MRPS33: variants seen among roughly 807,000 people sequenced by gnomAD.
The protein encoded by MRPS33 is mitochondrial ribosomal protein S33, also known as small ribosomal subunit protein mS33.
Under a neutral mutation model 11.2 loss-of-function variants are expected in MRPS33, and 11 were observed. The ratio of observed to expected loss-of-function variants is 0.99; its 90% CI spans 0.62 to 1.63. MRPS33 has a LOEUF of 1.63. Ranked by LOEUF, MRPS33 falls within the 40% of genes most tolerant of loss-of-function variation. The pLI, the probability that MRPS33 is intolerant of heterozygous loss-of-function variation, is 0.00. For synonymous variants in MRPS33, 46 were observed against 44.0 expected, an observed-to-expected ratio of 1.05 and a Z score of -0.18; for missense variants, 109 against 127.8, an observed-to-expected ratio of 0.85 and a Z score of 0.71.
At chr7:141,006,969 C>T (rs1191580680) in intron 2 of MRPS33, among the ~76,000 whole-genome samples, 1 of 152,086 alleles carries the variant, frequency 6.6e-6, no homozygotes, top group East Asian at 1.9e-4. Flanking sequence ...CTGGAGGAAG[C>T]TCAGCCTGGC....
intron 1 of MRPS33, among the ~76,000 whole-genome samples, chr7:141,014,155 G>C (rs1250901903): frequency 6.6e-6 from 1 of 152,102 alleles, no homozygotes; most frequent in Non-Finnish European, 1.5e-5. Flanking sequence ...TCTCTGCCAG[G>C]TTCTCTCATC....
intron 2 of MRPS33, 92 bp from the exon 3 acceptor site, chr7:141,006,627 G>A: frequency 9.5e-7 from 1 of 1,057,580 alleles, no homozygotes; most frequent in South Asian, 1.4e-5. Flanking sequence ...AGGTCATTCT[G>A]GTTATCGATC....
At chr7:141,012,482 G>A (rs547989213) in intron 1 of MRPS33, among the ~76,000 whole-genome samples, 42 of 152,300 alleles carry the variant, frequency 2.8e-4, no homozygotes, top group Middle Eastern at 6.8e-3. Context: ...GCAGTTTAAT[G>A]TATAAACAAA....
At chr7:141,008,066 C>T (rs1316459445) in intron 2 of MRPS33, among the ~76,000 whole-genome samples, 1 of 152,270 alleles carries the variant, frequency 6.6e-6, no homozygotes, top group East Asian at 1.9e-4. Context: ...TGGTGCTTCC[C>T]TCCCTCTTTT....
In MRPS33 at chr7:141,012,147, C is replaced by T. The variant is rs1032209931; in HGVS notation, c.-27-1487G>A. 8.8e-5 allele frequency among the ~76,000 whole-genome samples: 10 copies of T among 114,190 alleles called. No homozygotes were observed. The Admixed American group carries it at 1.3e-3, about 15-fold the overall frequency. 74.9% of individuals were successfully genotyped at this position (114,190 alleles called of 152,430 possible). A position where few individuals can be genotyped will look rare whatever the true frequency, so the allele number is the denominator to read the frequency against. Reference sequence around the variant, plus strand: ...TGACTGCACTACTGTACTCTATAGCCTGAGTGACAGAGCAAGATTGTGTGT... The same window carrying T: ...TGACTGCACTACTGTACTCTATAGCTTGAGTGACAGAGCAAGATTGTGTGT... On this transcript the variant is annotated intron_variant, in intron 1 of 2. Coordinates refer to ENST00000324787, the MANE Select transcript of MRPS33 (RefSeq NM_053035.3).
At chr7:141,014,841 T>A (rs183418599) in intron 1 of MRPS33, 70 bp downstream of exon 1, 9 of 152,532 alleles carry the variant, frequency 5.9e-5, no homozygotes, top group African/African-American at 2.2e-4. Flanking sequence ...CTCTACAAGG[T>A]TGGAGACCCC....
At chr7:141,012,334 C>A (rs1343049329) in intron 1 of MRPS33, among the ~76,000 whole-genome samples, 1 of 152,168 alleles carries the variant, frequency 6.6e-6, no homozygotes, top group Non-Finnish European at 1.5e-5. Flanking sequence ...TCCCCACCAT[C>A]TGCAGATCAC....
rs571725608 is a variant in MRPS33 at position 141,006,878 on chromosome 7, CAA to C, written c.216-345_216-344del. Among the ~76,000 whole-genome samples, 15 of 152,234 alleles carry C rather than the reference CAA, an allele frequency of 9.9e-5. No homozygotes were observed. In the South Asian group the frequency reaches 3.1e-3, roughly 32 times the overall value. On this transcript the variant is annotated intron_variant, in intron 2 of 2. Transcript: ENST00000324787. ...ACACTAAGACTAAACAGAGAGGAGA[CAA>C]AGTGGGAATCTGCTTCAATAGCTAC...
intron 2 of MRPS33, chr7:141,009,991 A>G (rs990514897): frequency 6.2e-6 from 1 of 161,718 alleles, no homozygotes; most frequent in African/African-American, 2.4e-5. Context: ...TTTAGTAGAG[A>G]CAGAGTTTCA....
chr7:141,010,081 C>T (rs1004432345), intron 2 of MRPS33: 6 of 199,374 alleles, frequency 3.0e-5, no homozygotes, highest in Middle Eastern at 2.0e-3. Flanking sequence ...GGATTACAAG[C>T]GTGAGCCACT....
At position 141,005,191 on chromosome 7, in the gene MRPS33, T is replaced by C. The variant is rs1480160531; in HGVS notation, c.*1239A>G. ...ACAGAATTTCCAAAGCCCTTCATGA[T>C]CTGGCCTCTGTTTTCTTACAGCCAA... On this transcript the variant is annotated 3_prime_UTR_variant, in exon 3 of 3. Coordinates refer to ENST00000324787, the MANE Select transcript of MRPS33 (RefSeq NM_053035.3). 1 of 152,250 alleles carries C rather than the reference T, an allele frequency of 6.6e-6. No individual in the cohort carries two copies. Among genetic ancestry groups the C allele is most frequent in the Non-Finnish European group, 1.5e-5 (1 of 68,066 alleles). 9.4% of individuals were successfully genotyped at this position (152,250 alleles called of 1,614,324 possible). A position where few individuals can be genotyped will look rare whatever the true frequency, so the allele number is the denominator to read the frequency against.
In MRPS33 at chr7:141,005,176, C is replaced by T. The variant is rs1387544300; in HGVS notation, c.*1254G>A. The T allele has an allele frequency of 6.6e-6, 1 of 152,202 alleles. No homozygotes were observed. The highest frequency in any genetic ancestry group is 1.5e-5 in the Non-Finnish European group (1 of 68,048). The allele number at this position is 152,202 out of a possible 1,614,324, so 9.4% of individuals were successfully genotyped here. On this transcript the variant is annotated 3_prime_UTR_variant, in exon 3 of 3. Coordinates refer to ENST00000324787, the MANE Select transcript of MRPS33 (RefSeq NM_053035.3). ...TGTTCAAGCTTTTCCACAGAATTTC[C>T]AAAGCCCTTCATGATCTGGCCTCTG... is the stretch of plus-strand genomic sequence containing the variant.
At chr7:141,010,386 C>A (rs1820645713) in intron 2 of MRPS33, 33 bp downstream of exon 2, 1 of 1,594,692 alleles carries the variant, frequency 6.3e-7, no homozygotes, top group Non-Finnish European at 8.5e-7. Flanking sequence ...GAAAAAAAGT[C>A]TCTCATAGGT....
At position 141,005,219 on chromosome 7, in the gene MRPS33, A is replaced by G. The variant is rs889957164; in HGVS notation, c.*1211T>C. 11 of 152,236 alleles carry G rather than the reference A, an allele frequency of 7.2e-5. No individual in the cohort carries two copies. The highest frequency in any genetic ancestry group is 2.7e-4 in the African/African-American group (11 of 41,458). 9.4% of individuals were successfully genotyped at this position (152,236 alleles called of 1,614,324 possible). On this transcript the variant is annotated 3_prime_UTR_variant, in exon 3 of 3. Transcript: ENST00000324787. The stretch of plus-strand genomic sequence containing the variant: ...GGCCTCTGTTTTCTTACAGCCAACC[A>G]TGAACAAACTCAGTGTTTCTTGAAC...
intron 1 of MRPS33, among the ~76,000 whole-genome samples, chr7:141,013,555 A>G (rs547529493): frequency 1.3e-5 from 2 of 152,338 alleles, no homozygotes; most frequent in South Asian, 2.1e-4. Flanking sequence ...CTCACGAAGA[A>G]TAACACGGGA....
At chr7:141,006,659 A>G in intron 2 of MRPS33, 124 bp from the exon 3 acceptor site, 1 of 787,656 alleles carries the variant, frequency 1.3e-6, no homozygotes, top group Non-Finnish European at 2.1e-6. Context: ...CAAGTTAGCC[A>G]CATGCTCAGC....
Position 141,006,340 on chromosome 7 carries a change from A to G in MRPS33, c.*90T>C. The stretch of plus-strand genomic sequence containing the variant: ...CTCCAAATAAACTTCATTTAGGAAG[A>G]TGACATTCCTCCAATAGGTGGAAAG... On this transcript the variant is annotated 3_prime_UTR_variant, in exon 3 of 3. Coordinates refer to ENST00000324787, the MANE Select transcript of MRPS33 (RefSeq NM_053035.3). 9.2e-7 allele frequency: 1 copy of G among 1,083,296 alleles called. No homozygotes were observed. The highest frequency in any genetic ancestry group is 1.4e-6 in the Non-Finnish European group (1 of 726,114). The allele number at this position is 1,083,296 out of a possible 1,614,324, so 67.1% of individuals were successfully genotyped here. A position where few individuals can be genotyped will look rare whatever the true frequency, so the allele number is the denominator to read the frequency against.
Position 141,006,351 on chromosome 7 carries a change from C to A in MRPS33, c.*79G>T. 8.3e-7 allele frequency: 1 copy of A among 1,203,276 alleles called. No individual in the cohort carries two copies. Among genetic ancestry groups the A allele is most frequent in the South Asian group, 1.3e-5 (1 of 77,730 alleles). 74.5% of individuals were successfully genotyped at this position (1,203,276 alleles called of 1,614,324 possible). On this transcript the variant is annotated 3_prime_UTR_variant, in exon 3 of 3. Coordinates refer to ENST00000324787, the MANE Select transcript of MRPS33 (RefSeq NM_053035.3). ...CTTCATTTAGGAAGATGACATTCCT[C>A]CAATAGGTGGAAAGACAATAAATGC...
chr7:141,009,383 C>T (rs1002800789), intron 2 of MRPS33, among the ~76,000 whole-genome samples: 2 of 151,704 alleles, frequency 1.3e-5, no homozygotes, highest in South Asian at 2.1e-4. Flanking sequence ...CTGTCTGCCT[C>T]GGCCTCCCAA....
Sources: gnomAD v4.1 joint callset for allele counts (sites outside exome capture counted in the v4.1 genomes callset) on GRCh38, gnomAD v4.1.1 for gene constraint, MANE v1.5 for transcripts, NCBI Gene and HGNC (gene_info 2026-07-23, HGNC 2026-07-21) for gene names.